CA10: variants seen among roughly 807,000 people sequenced by gnomAD.
CA10 encodes the protein carbonic anhydrase 10 (inactive), also known as carbonic anhydrase-related protein 10.
In CA10, 14 loss-of-function variants were observed where a neutral mutation model predicts 44.2. The observed-to-expected ratio is 0.32, with a 90% confidence interval of 0.21 to 0.50. The LOEUF (loss-of-function observed/expected upper bound fraction) is 0.50. CA10 is among the 20% of genes least tolerant of loss of function. The pLI, the probability that CA10 is intolerant of heterozygous loss-of-function variation, is 0.99. For missense variants in CA10, 350 were observed against 409.7 expected, an observed-to-expected ratio of 0.85 and a Z score of 1.26; for synonymous variants, 159 against 141.6, an observed-to-expected ratio of 1.12 and a Z score of -0.87.
chr17:51,679,739 T>G (rs1407479177), intron 4 of CA10, among the ~76,000 whole-genome samples: 1 of 152,026 alleles, frequency 6.6e-6, no homozygotes, highest in East Asian at 1.9e-4. Context: ...GTTCCTGGTC[T>G]GAGGGGCTAG....
chr17:51,724,020 C>G (rs968211880), intron 4 of CA10, among the ~76,000 whole-genome samples: 1 of 151,762 alleles, frequency 6.6e-6, no homozygotes, highest in East Asian at 1.9e-4. Context: ...GATGAACAGG[C>G]CTGACAAATA....
At chr17:51,799,129 A>G (rs1035631537) in intron 3 of CA10, among the ~76,000 whole-genome samples, 17 of 152,338 alleles carry the variant, frequency 1.1e-4, no homozygotes, top group African/African-American at 4.1e-4. Flanking sequence ...ACTTGCTGGT[A>G]CTTTTCTGCT....
At chr17:52,085,676 CAT>C (rs1047685876) in intron 1 of CA10, among the ~76,000 whole-genome samples, 2 of 152,254 alleles carry the variant, frequency 1.3e-5, no homozygotes, top group Non-Finnish European at 2.9e-5. Flanking sequence ...TTACTTATAA[CAT>C]ATATATTTTT....
chr17:51,692,463 A>T (rs1915246363), intron 4 of CA10, among the ~76,000 whole-genome samples: 1 of 151,094 alleles, frequency 6.6e-6, no homozygotes. Context: ...GTTTTTTTAA[A>T]ACCTAAGATT....
At chr17:52,135,045 G>C (rs2143362490) in intron 1 of CA10, 1 of 494,822 alleles carries the variant, frequency 2.0e-6, no homozygotes, top group East Asian at 5.9e-5. Context: ...CCCTCCTGAG[G>C]TCGCCTGTGA....
chr17:51,838,532 T>C (rs900805754), intron 3 of CA10, among the ~76,000 whole-genome samples: 20 of 152,230 alleles, frequency 1.3e-4, no homozygotes, highest in Non-Finnish European at 2.2e-4. Context: ...ACTGCTTTAA[T>C]TGCCATGAGG....
chr17:51,645,472 C>T (rs1481311949), intron 6 of CA10, among the ~76,000 whole-genome samples: 3 of 152,152 alleles, frequency 2.0e-5, no homozygotes, highest in Non-Finnish European at 2.9e-5. Context: ...TGTTCAGGGC[C>T]AGGCAGGAGT....
chr17:51,856,563 A>C (rs1979054150), intron 3 of CA10, among the ~76,000 whole-genome samples: 1 of 152,194 alleles, frequency 6.6e-6, no homozygotes, highest in Non-Finnish European at 1.5e-5. Context: ...GGAGTAGCAT[A>C]AACACCAAAC....
intron 2 of CA10, among the ~76,000 whole-genome samples, chr17:51,980,418 T>C (rs1984615345): frequency 6.6e-6 from 1 of 152,138 alleles, no homozygotes; most frequent in African/African-American, 2.4e-5. Context: ...ATATATTGGG[T>C]ATTAAACCTT....
In CA10 at chr17:51,980,244, T is replaced by C. The variant is rs564660973; in HGVS notation, c.137-49112A>G. Among the ~76,000 whole-genome samples the C allele has an allele frequency of 3.9e-5, 6 of 152,254 alleles. No individual in the cohort carries two copies. In the South Asian group the frequency reaches 1.2e-3, roughly 32 times the overall value. On this transcript the variant is annotated intron_variant, in intron 2 of 8. Transcript: ENST00000451037. ...CATTCTGACTGGTGTGAGATGGTAT[T>C]TCATTGTGGTTTTCATTTGCATTTC...
At chr17:51,778,132 AG>A in intron 3 of CA10, among the ~76,000 whole-genome samples, 1 of 152,274 alleles carries the variant, frequency 6.6e-6, no homozygotes, top group South Asian at 2.1e-4. Flanking sequence ...TCTTGGGTAA[AG>A]GACATAGTCT....
At chr17:52,064,714 G>A (rs1393351565) in intron 2 of CA10, among the ~76,000 whole-genome samples, 1 of 152,168 alleles carries the variant, frequency 6.6e-6, no homozygotes, top group Non-Finnish European at 1.5e-5. Context: ...AGCAAGCTGG[G>A]AGGGTTATTG....
chr17:51,849,165 A>T (rs1322921945), intron 3 of CA10, among the ~76,000 whole-genome samples: 4 of 89,644 alleles, frequency 4.5e-5, no homozygotes, highest in Non-Finnish European at 2.2e-5. Flanking sequence ...ACATATATGT[A>T]TATATATATA....
chr17:51,899,058 T>C (rs1981198045), intron 3 of CA10, among the ~76,000 whole-genome samples: 1 of 152,068 alleles, frequency 6.6e-6, no homozygotes, highest in Non-Finnish European at 1.5e-5. Flanking sequence ...TAGCTCTGAT[T>C]TTGTTTTTTT....
At chr17:52,076,158 C>T (rs1302534418) in intron 1 of CA10, among the ~76,000 whole-genome samples, 4 of 152,152 alleles carry the variant, frequency 2.6e-5, no homozygotes, top group Admixed American at 2.6e-4. Flanking sequence ...TGCATATCTT[C>T]CACACTCCCC....
intron 5 of CA10, among the ~76,000 whole-genome samples, chr17:51,651,235 C>G (rs1693051477): frequency 6.6e-6 from 1 of 152,168 alleles, no homozygotes; most frequent in Non-Finnish European, 1.5e-5. Context: ...AGGCTGTGCA[C>G]CCTTAGGGAC....
chr17:52,073,707 A>G (rs1987745071), intron 1 of CA10, among the ~76,000 whole-genome samples: 1 of 152,166 alleles, frequency 6.6e-6, no homozygotes, highest in Admixed American at 6.5e-5. Flanking sequence ...GTGTGGATAG[A>G]GTTCAGACAT....
At chr17:52,087,998 AT>A (rs1226089276) in intron 1 of CA10, among the ~76,000 whole-genome samples, 4 of 152,154 alleles carry the variant, frequency 2.6e-5, no homozygotes, top group African/African-American at 9.7e-5. Flanking sequence ...CAAATACCAC[AT>A]GTTTTCACAA....
intron 2 of CA10, among the ~76,000 whole-genome samples, chr17:51,975,891 AAAG>A (rs1984446898): frequency 6.6e-6 from 1 of 150,970 alleles, no homozygotes. Context: ...AAAAAAAAAA[AAAG>A]CAAGAGTCAA....
Sources: gnomAD v4.1 joint callset for allele counts (sites outside exome capture counted in the v4.1 genomes callset) on GRCh38, gnomAD v4.1.1 for gene constraint, MANE v1.5 for transcripts, NCBI Gene and HGNC (gene_info 2026-07-23, HGNC 2026-07-21) for gene names.